ZNF322: variants seen among roughly 807,000 people sequenced by gnomAD.
ZNF322 encodes the protein zinc finger protein 322.
Under a neutral mutation model 18.3 loss-of-function variants are expected in ZNF322, and 1 was observed. The observed-to-expected ratio is 0.05, with a 90% CI of 0.02 to 0.26. The LOEUF is 0.26. Among genes scored for constraint, ZNF322 ranks in the 10% least tolerant of loss-of-function variants. The probability of loss-of-function intolerance (pLI) is 1.00; values close to 1 mark genes in which losing one functional copy is unlikely to be tolerated. For synonymous variants in ZNF322, 17 were observed against 130.7 expected (o/e 0.13, Z 5.93); for missense variants, 36 against 403.6 (o/e 0.09, Z 7.80).
intron 2 of ZNF322, among the ~76,000 whole-genome samples, chr6:26,648,790 C>T (rs2451753): frequency 0.65 from 99,040 of 152,096 alleles, 32,727 homozygotes; most frequent in East Asian, 0.78. Flanking sequence ...AAAATAGACT[C>T]GAATAAATGG....
chr6:26,656,250 T>G (rs1554149679), intron 2 of ZNF322, among the ~76,000 whole-genome samples: 2 of 152,376 alleles, frequency 1.3e-5, no homozygotes, highest in East Asian at 3.9e-4. Flanking sequence ...TTTGTAGCTG[T>G]GAGAACTTGG....
At chr6:26,647,874 T>A (rs1411050892) in intron 2 of ZNF322, among the ~76,000 whole-genome samples, 1 of 129,788 alleles carries the variant, frequency 7.7e-6, no homozygotes, top group African/African-American at 2.8e-5. Context: ...ATATCCAATA[T>A]CGCTTTTTTT....
intron 3 of ZNF322, among the ~76,000 whole-genome samples, chr6:26,643,219 T>G (rs559915434): frequency 6.6e-6 from 1 of 152,370 alleles, no homozygotes; most frequent in East Asian, 1.9e-4. Flanking sequence ...GATGTGTGTA[T>G]GAATTTCTCT....
intron 3 of ZNF322, among the ~76,000 whole-genome samples, chr6:26,640,168 C>T (rs1290633258): frequency 2.6e-5 from 4 of 152,166 alleles, no homozygotes; most frequent in Admixed American, 6.5e-5. Flanking sequence ...TGTTCCTCTC[C>T]GCAGTAAAAC....
chr6:26,647,208 T>G (rs1212300909), intron 2 of ZNF322, among the ~76,000 whole-genome samples: 2 of 151,842 alleles, frequency 1.3e-5, no homozygotes, highest in African/African-American at 4.8e-5. Context: ...GCCGAGGCAG[T>G]AGGATTGTTT....
At chr6:26,641,300 G>A (rs1765461832) in intron 3 of ZNF322, among the ~76,000 whole-genome samples, 1 of 152,180 alleles carries the variant, frequency 6.6e-6, no homozygotes, top group Non-Finnish European at 1.5e-5. Flanking sequence ...TGAGGTGGGA[G>A]TAGTGCAATT....
At chr6:26,647,268 C>G (rs957768895) in intron 2 of ZNF322, among the ~76,000 whole-genome samples, 1 of 151,702 alleles carries the variant, frequency 6.6e-6, no homozygotes, top group Non-Finnish European at 1.5e-5. Context: ...GATCCTGTCT[C>G]TATTTTGTTT....
At chr6:26,638,820 A>ATC (rs1472173474) in intron 3 of ZNF322, 92 bp from the exon 4 acceptor site, 98 of 419,434 alleles carry the variant, frequency 2.3e-4, no homozygotes, top group African/African-American at 2.0e-3. Flanking sequence ...CAAACTCTGT[A>ATC]TCAGAGTCCC....
At chr6:26,657,848 T>G (rs782247435) in intron 2 of ZNF322, among the ~76,000 whole-genome samples, 14 of 152,122 alleles carry the variant, frequency 9.2e-5, no homozygotes, top group Non-Finnish European at 1.9e-4. Context: ...GGTACCCTCC[T>G]TCAGGATGCT....
At chr6:26,638,782 C>T in intron 3 of ZNF322, 54 bp from the exon 4 acceptor site, 2 of 673,658 alleles carry the variant, frequency 3.0e-6, no homozygotes, top group Non-Finnish European at 4.5e-6. Context: ...GAAAAGAATT[C>T]TCAAAATTAA....
chr6:26,658,677 A>C (rs1402938775), intron 1 of ZNF322, 31 bp from the exon 2 acceptor site: 1 of 165,496 alleles, frequency 6.0e-6, no homozygotes, highest in African/African-American at 2.4e-5. Flanking sequence ...GTAGACGATG[A>C]CCTTGTGAAA....
chr6:26,648,409 G>C (rs1300085418), intron 2 of ZNF322, among the ~76,000 whole-genome samples: 1 of 152,086 alleles, frequency 6.6e-6, no homozygotes, highest in Non-Finnish European at 1.5e-5. Context: ...GGCAAGTATG[G>C]CCAATACTTC....
At chr6:26,642,290 G>A (rs1765479579) in intron 3 of ZNF322, among the ~76,000 whole-genome samples, 1 of 152,210 alleles carries the variant, frequency 6.6e-6, no homozygotes, top group African/African-American at 2.4e-5. Context: ...GATAGTGAGA[G>A]AGTGATCAAT....
In ZNF322 at chr6:26,640,972, G is replaced by C. The variant is rs537808480; in HGVS notation, c.-175-2244C>G. On this transcript the variant is annotated intron_variant, in intron 3 of 3. Coordinates refer to ENST00000415922, the MANE Select transcript of ZNF322 (RefSeq NM_024639.5). Reference sequence around the variant, plus strand: ...ATACAGCAAATTAGTAAGTGTAATGGACCAGAACACAAAGGAACATGTGCA... The same window carrying C: ...ATACAGCAAATTAGTAAGTGTAATGCACCAGAACACAAAGGAACATGTGCA... Among the ~76,000 whole-genome samples the C allele has an allele frequency of 3.3e-5, 5 of 152,280 alleles. No homozygotes were observed. The East Asian group carries it at 9.6e-4, about 29-fold the overall frequency.
At chr6:26,645,519 T>C (rs1209849429) in intron 2 of ZNF322, among the ~76,000 whole-genome samples, 1 of 152,068 alleles carries the variant, frequency 6.6e-6, no homozygotes, top group African/African-American at 2.4e-5. Flanking sequence ...CAGTTTCTGG[T>C]ATACACTGGG....
chr6:26,649,673 GTGTATATA>G lies in ZNF322; in HGVS notation c.-245-5953_-245-5946del, dbSNP rs1158341017. On this transcript the variant is annotated intron_variant, in intron 2 of 3. Transcript: ENST00000415922. ...TGTGTGTGTGTGTGTGTGTGTGTGT[GTGTATATA>G]TATATATATATATATATATATTTTT... Among the ~76,000 whole-genome samples the G allele has an allele frequency of 4.1e-3, 120 of 29,370 alleles. 1 individual carries two copies. The highest frequency in any genetic ancestry group is 0.026 in the East Asian group (14 of 538). 19.3% of individuals were successfully genotyped at this position (29,370 alleles called of 152,430 possible).
intron 3 of ZNF322, 70 bp from the exon 4 acceptor site, chr6:26,638,798 C>T: frequency 1.8e-6 from 1 of 569,248 alleles, no homozygotes; most frequent in Non-Finnish European, 2.7e-6. Flanking sequence ...ATTAAAATCA[C>T]TGCAGAAAAG....
At position 26,654,645 on chromosome 6, in the gene ZNF322, A is replaced by AT. The variant is rs1765732410; in HGVS notation, c.-246+3912dup. ...AATAAGAATCCATGAATTTGTACTC[A>AT]TTAAAAAAAAGTGTATAGAAGGGAA... is the stretch of plus-strand genomic sequence containing the variant. On this transcript the variant is annotated intron_variant, in intron 2 of 3. Transcript: ENST00000415922. Among the ~76,000 whole-genome samples the AT allele has an allele frequency of 2.0e-5, 3 of 152,190 alleles. No homozygotes were observed. The South Asian group carries it at 6.2e-4, about 31-fold the overall frequency.
chr6:26,658,433 G>A (rs1229726084), intron 2 of ZNF322, 125 bp downstream of exon 2: 1 of 151,920 alleles, frequency 6.6e-6, no homozygotes, highest in African/African-American at 2.4e-5. Flanking sequence ...TGCTATCTTA[G>A]GAGCTAAGAA....
Sources: allele counts gnomAD v4.1 joint callset (sites outside exome capture counted in the v4.1 genomes callset), GRCh38; gene constraint gnomAD v4.1.1; transcripts MANE v1.5; gene names NCBI Gene and HGNC (gene_info 2026-07-23, HGNC 2026-07-21).